The following ACSL5 variants were observed in gnomAD, a reference collection of about 807,000 sequenced individuals.
ACSL5 encodes the protein acyl-CoA synthetase long chain family member 5.
In ACSL5, 50 loss-of-function variants were observed where a neutral mutation model predicts 84.9. That is an observed-to-expected ratio of 0.59 (90% confidence interval 0.47 to 0.75). ACSL5 has a LOEUF of 0.75. ACSL5 is among the 30% of genes least tolerant of loss of function. The pLI is 0.00. For synonymous variants in ACSL5, 280 were observed against 300.7 expected, an observed-to-expected ratio of 0.93 and a Z score of 0.71; for missense variants, 775 against 830.4, an observed-to-expected ratio of 0.93 and a Z score of 0.82.
chr10:112,387,988 G>A (rs1002137112), intron 1 of ACSL5, among the ~76,000 whole-genome samples: 1 of 140,374 alleles, frequency 7.1e-6, no homozygotes, highest in Non-Finnish European at 1.5e-5. Flanking sequence ...ACCCAGGCTG[G>A]AGTGCAGTGG....
rs2133648335 is a variant in ACSL5 at position 112,417,040 on chromosome 10, T to C, written c.1218+18T>C. 6.2e-7 allele frequency: 1 copy of C among 1,609,814 alleles called. No homozygotes were observed. Among genetic ancestry groups the C allele is most frequent in the Non-Finnish European group, 8.5e-7 (1 of 1,176,474 alleles). ...AGATCCAGGTAGGTTGGGCAGGTCC[T>C]GGACTGAAGCAGGCAAATACCTGGG... On this transcript the variant is annotated intron_variant, in intron 13 of 20. Coordinates refer to ENST00000354655, the MANE Select transcript of ACSL5 (RefSeq NM_203379.2).
In ACSL5 at chr10:112,413,165, G is replaced by T. The variant is rs772562042; in HGVS notation, c.949-8G>T. The T allele has an allele frequency of 6.2e-7, 1 of 1,613,840 alleles. No homozygotes were observed. The highest frequency in any genetic ancestry group is 8.5e-7 in the Non-Finnish European group (1 of 1,179,874). ...CCTCTAAGCTCTATAATTTGGTTTT[G>T]TTTTCAGGCTGTTGTGTACAGCTGT... On this transcript the variant is annotated splice_region_variant and splice_polypyrimidine_tract_variant and intron_variant, in intron 11 of 20. Coordinates refer to ENST00000354655, the MANE Select transcript of ACSL5 (RefSeq NM_203379.2).
intron 2 of ACSL5, among the ~76,000 whole-genome samples, chr10:112,396,599 G>T (rs985901746): frequency 1.5e-4 from 23 of 152,094 alleles, no homozygotes; most frequent in African/African-American, 5.3e-4. Flanking sequence ...CTAAGTCTGT[G>T]ACACTGAAAT....
At chr10:112,415,907 C>T (rs1844303025) in intron 12 of ACSL5, among the ~76,000 whole-genome samples, 1 of 152,168 alleles carries the variant, frequency 6.6e-6, no homozygotes, top group Non-Finnish European at 1.5e-5. Flanking sequence ...TGGGGAAGCT[C>T]TCCTTTGGCA....
At chr10:112,420,112 C>T (rs922797570) in intron 14 of ACSL5, 2 of 152,200 alleles carry the variant, frequency 1.3e-5, no homozygotes, top group Non-Finnish European at 2.9e-5. Flanking sequence ...AAATTAGCAT[C>T]CTCTTAGCCA....
At chr10:112,424,628 T>C (rs1410826871) in intron 17 of ACSL5, 3 of 152,248 alleles carry the variant, frequency 2.0e-5, no homozygotes, top group African/African-American at 7.2e-5. Flanking sequence ...GGCTAATTTA[T>C]CAAGTCGGCC....
chr10:112,381,336 G>T (rs1037293876), intron 1 of ACSL5, among the ~76,000 whole-genome samples: 1 of 152,136 alleles, frequency 6.6e-6, no homozygotes, highest in African/African-American at 2.4e-5. Flanking sequence ...GCACAGTGCT[G>T]AACACACAGG....
At chr10:112,399,337 T>G (rs1394878592) in intron 3 of ACSL5, among the ~76,000 whole-genome samples, 1 of 152,204 alleles carries the variant, frequency 6.6e-6, no homozygotes, top group Non-Finnish European at 1.5e-5. Flanking sequence ...GATAATAATA[T>G]AGGACAGTAT....
At chr10:112,419,121 T>TGTGTGTGC in intron 14 of ACSL5, among the ~76,000 whole-genome samples, 2 of 146,888 alleles carry the variant, frequency 1.4e-5, no homozygotes, top group Non-Finnish European at 3.0e-5. Flanking sequence ...TGTGTGTGTG[T>TGTGTGTGC]GTGTGTGTGT....
intron 2 of ACSL5, among the ~76,000 whole-genome samples, chr10:112,396,703 C>G (rs1449331945): frequency 6.6e-6 from 1 of 152,156 alleles, no homozygotes. Context: ...CACACACACA[C>G]ACACCCCTCC....
At chr10:112,401,760 C>CTTTCTTTCTTTCTT (rs1268453539) in intron 3 of ACSL5, among the ~76,000 whole-genome samples, 5 of 151,638 alleles carry the variant, frequency 3.3e-5, no homozygotes, top group Non-Finnish European at 5.9e-5. Flanking sequence ...TCTCTCTCTC[C>CTTTCTTTCTTTCTT]TTTCTTTCTT....
At chr10:112,405,291 T>C (rs1053268175) in intron 5 of ACSL5, among the ~76,000 whole-genome samples, 2 of 152,216 alleles carry the variant, frequency 1.3e-5, no homozygotes, top group African/African-American at 4.8e-5. Context: ...CTCCAAGTTT[T>C]GGTTAAGTCA....
At chr10:112,379,333 A>C (rs1446792971) in intron 1 of ACSL5, among the ~76,000 whole-genome samples, 1 of 149,820 alleles carries the variant, frequency 6.7e-6, no homozygotes, top group African/African-American at 2.5e-5. Flanking sequence ...TGAACCCAGG[A>C]GGCGGAGGTT....
At chr10:112,401,143 G>C (rs1377080692) in intron 3 of ACSL5, among the ~76,000 whole-genome samples, 1 of 152,092 alleles carries the variant, frequency 6.6e-6, no homozygotes, top group Non-Finnish European at 1.5e-5. Context: ...TTGAACCTGG[G>C]AAGTGGAGGT....
At chr10:112,394,829 T>C in intron 1 of ACSL5, 89 bp from the exon 2 acceptor site, 9 of 1,547,742 alleles carry the variant, frequency 5.8e-6, no homozygotes, top group East Asian at 2.2e-5. Flanking sequence ...TGTATGTGTG[T>C]GTGTGTGTCC....
intron 1 of ACSL5, among the ~76,000 whole-genome samples, chr10:112,388,332 A>T (rs142659801): frequency 2.0e-5 from 3 of 152,270 alleles, no homozygotes; most frequent in African/African-American, 7.2e-5. Flanking sequence ...GAGTAGAAGG[A>T]TCTTGAATAG....
In ACSL5 at chr10:112,427,428, T is replaced by G; in HGVS notation, c.*70T>G. 1.4e-6 allele frequency: 2 copies of G among 1,426,288 alleles called. No homozygotes were observed. The highest frequency in any genetic ancestry group is 1.5e-5 in the South Asian group (1 of 65,324). The allele number at this position is 1,426,288 out of a possible 1,614,324, so 88.4% of individuals were successfully genotyped here. A position where few individuals can be genotyped will look rare whatever the true frequency, so the allele number is the denominator to read the frequency against. On this transcript the variant is annotated 3_prime_UTR_variant, in exon 21 of 21. Transcript: ENST00000354655. Reference sequence around the variant, plus strand: ...GAGAAAATGGATTAAAAACTATTCTTACATTTGTTTTGCCTTTCCTCCTAT... The same window carrying G: ...GAGAAAATGGATTAAAAACTATTCTGACATTTGTTTTGCCTTTCCTCCTAT...
chr10:112,401,371 C>T (rs1843884177), intron 3 of ACSL5, among the ~76,000 whole-genome samples: 1 of 152,152 alleles, frequency 6.6e-6, no homozygotes, highest in African/African-American at 2.4e-5. Flanking sequence ...ATTAAATTTC[C>T]AGATAATGAA....
chr10:112,393,010 G>C (rs1283111732), intron 1 of ACSL5, among the ~76,000 whole-genome samples: 1 of 152,102 alleles, frequency 6.6e-6, no homozygotes, highest in Non-Finnish European at 1.5e-5. Context: ...AAACAGGCAC[G>C]GGCTTCTCCT....
Sources: gnomAD v4.1 joint callset for allele counts (sites outside exome capture counted in the v4.1 genomes callset) on GRCh38, gnomAD v4.1.1 for gene constraint, MANE v1.5 for transcripts, NCBI Gene and HGNC (gene_info 2026-07-23, HGNC 2026-07-21) for gene names.